The following ZNF438 variants were observed in gnomAD, a reference collection of about 807,000 sequenced individuals.
The protein encoded by ZNF438 is zinc finger protein 438.
Under a neutral mutation model 38.0 loss-of-function variants are expected in ZNF438, and 25 were observed. That is an observed-to-expected ratio of 0.66 (90% CI 0.48 to 0.92). ZNF438 has a LOEUF of 0.92. Among genes scored for constraint, ZNF438 ranks in the 40% least tolerant of loss-of-function variants. ZNF438 has a pLI of 0.00. For missense variants in ZNF438, 1,007 were observed against 999.6 expected (o/e 1.01, Z -0.10); for synonymous variants, 372 against 364.1 (o/e 1.02, Z -0.25).
At chr10:30,878,209 C>CA (rs2038723227) in intron 3 of ZNF438, among the ~76,000 whole-genome samples, 1 of 152,120 alleles carries the variant, frequency 6.6e-6, no homozygotes, top group African/African-American at 2.4e-5. Flanking sequence ...TGAATAATGT[C>CA]TTTTTACCAA....
At chr10:30,908,628 G>C (rs2042801210) in intron 3 of ZNF438, among the ~76,000 whole-genome samples, 1 of 152,030 alleles carries the variant, frequency 6.6e-6, no homozygotes, top group Admixed American at 6.5e-5. Flanking sequence ...CTATCTCATG[G>C]GCATGTTTTA....
At chr10:30,858,166 A>T (rs2034997927) in intron 4 of ZNF438, among the ~76,000 whole-genome samples, 1 of 152,220 alleles carries the variant, frequency 6.6e-6, no homozygotes, top group South Asian at 2.1e-4. Context: ...TCACGAGGAA[A>T]GTTCTGCCAA....
At chr10:31,004,322 T>C (rs1034671314) in intron 1 of ZNF438, among the ~76,000 whole-genome samples, 1 of 151,976 alleles carries the variant, frequency 6.6e-6, no homozygotes, top group Non-Finnish European at 1.5e-5. Context: ...AAGTACAAGA[T>C]GAAAAACAAG....
At chr10:30,911,424 A>G (rs1042544340) in intron 2 of ZNF438, among the ~76,000 whole-genome samples, 19 of 152,174 alleles carry the variant, frequency 1.2e-4, no homozygotes, top group African/African-American at 3.1e-4. Flanking sequence ...TTAAATCACT[A>G]CAGATGTTTG....
At chr10:30,944,277 A>G (rs1302751591) in intron 1 of ZNF438, among the ~76,000 whole-genome samples, 1 of 152,224 alleles carries the variant, frequency 6.6e-6, no homozygotes, top group African/African-American at 2.4e-5. Context: ...GGGCAAGTTA[A>G]GTCAATCCAA....
At chr10:31,021,980 G>A (rs2056628442) in intron 1 of ZNF438, among the ~76,000 whole-genome samples, 2 of 152,094 alleles carry the variant, frequency 1.3e-5, no homozygotes, top group Non-Finnish European at 2.9e-5. Flanking sequence ...TTGGAAAGTT[G>A]AAAAAGCTCA....
At chr10:31,001,899 T>C (rs2054697351) in intron 1 of ZNF438, among the ~76,000 whole-genome samples, 1 of 152,176 alleles carries the variant, frequency 6.6e-6, no homozygotes, top group Admixed American at 6.5e-5. Context: ...CATACACCCA[T>C]GGCTGCAATA....
At chr10:30,952,529 T>C (rs1387648547) in intron 1 of ZNF438, among the ~76,000 whole-genome samples, 1 of 149,048 alleles carries the variant, frequency 6.7e-6, no homozygotes, top group Admixed American at 6.7e-5. Flanking sequence ...ATCCAGAATC[T>C]ACAATAAACT....
chr10:30,958,894 T>C (rs1449490863), intron 1 of ZNF438, among the ~76,000 whole-genome samples: 1 of 147,626 alleles, frequency 6.8e-6, no homozygotes, highest in Non-Finnish European at 1.5e-5. Context: ...CAATATTTTC[T>C]TCCTTTTTCA....
chr10:30,972,737 T>C (rs776461561), intron 1 of ZNF438, among the ~76,000 whole-genome samples: 6 of 152,138 alleles, frequency 3.9e-5, no homozygotes, highest in South Asian at 4.1e-4. Context: ...CATACTTGAA[T>C]AGGAGGACAC....
intron 2 of ZNF438, among the ~76,000 whole-genome samples, chr10:30,913,920 T>G (rs546283154): frequency 6.6e-6 from 1 of 152,218 alleles, no homozygotes; most frequent in Admixed American, 6.5e-5. Flanking sequence ...TCTTAGCATA[T>G]TAAGCCATAG....
At chr10:30,889,935 C>CT (rs983804648) in intron 3 of ZNF438, among the ~76,000 whole-genome samples, 9 of 151,938 alleles carry the variant, frequency 5.9e-5, no homozygotes, top group African/African-American at 2.2e-4. Flanking sequence ...ATACTTAACT[C>CT]TTTTTGCTGG....
chr10:30,990,862 C>CTT (rs573471697), intron 1 of ZNF438, among the ~76,000 whole-genome samples: 14 of 146,038 alleles, frequency 9.6e-5, no homozygotes, highest in East Asian at 4.0e-4. Context: ...GAAGATATAT[C>CTT]TTTTTTTTTT....
intron 1 of ZNF438, among the ~76,000 whole-genome samples, chr10:31,002,573 G>A (rs987650172): frequency 1.3e-5 from 2 of 152,046 alleles, no homozygotes; most frequent in African/African-American, 4.8e-5. Flanking sequence ...TTTAGCTCTT[G>A]ATACTAGCTA....
chr10:31,009,686 A>G (rs938312926), intron 1 of ZNF438, among the ~76,000 whole-genome samples: 1 of 152,164 alleles, frequency 6.6e-6, no homozygotes, highest in Admixed American at 6.6e-5. Context: ...TTTATCTTAA[A>G]GATTCACTCT....
intron 4 of ZNF438, among the ~76,000 whole-genome samples, chr10:30,855,343 T>C (rs535062791): frequency 6.6e-6 from 1 of 152,296 alleles, no homozygotes; most frequent in South Asian, 2.1e-4. Flanking sequence ...CCCTGCGATT[T>C]AAAGAAGTGG....
chr10:30,991,734 A>G (rs1301420167), intron 1 of ZNF438, among the ~76,000 whole-genome samples: 1 of 152,212 alleles, frequency 6.6e-6, no homozygotes, highest in Non-Finnish European at 1.5e-5. Context: ...GAAGTTTAAC[A>G]GAACTAGAAA....
intron 1 of ZNF438, among the ~76,000 whole-genome samples, chr10:31,028,051 T>A (rs1301797467): frequency 5.9e-5 from 9 of 152,098 alleles, no homozygotes; most frequent in African/African-American, 2.2e-4. Flanking sequence ...TGTATTTTTC[T>A]AGTCTCCATG....
At chr10:30,915,810 A>T (rs1049846754) in intron 2 of ZNF438, among the ~76,000 whole-genome samples, 6 of 152,058 alleles carry the variant, frequency 3.9e-5, no homozygotes, top group Admixed American at 1.3e-4. Flanking sequence ...ATGGGTCAAT[A>T]ATCAGTTCAA....
Sources: allele counts gnomAD v4.1 joint callset (sites outside exome capture counted in the v4.1 genomes callset), GRCh38; gene constraint gnomAD v4.1.1; transcripts MANE v1.5; gene names NCBI Gene and HGNC (gene_info 2026-07-23, HGNC 2026-07-21).